Variants in PATJ observed in about 807,000 individuals in gnomAD.
The protein encoded by PATJ is inaD-like protein.
Under a neutral mutation model 224.9 loss-of-function variants are expected in PATJ, and 190 were observed. That is an observed-to-expected ratio of 0.84 (90% CI 0.75 to 0.95). The LOEUF is 0.95. Among genes scored for constraint, PATJ ranks in the 40% least tolerant of loss-of-function variants. The pLI is 0.00. For synonymous variants in PATJ, 769 were observed against 820.3 expected, an observed-to-expected ratio of 0.94 and a Z score of 1.07; for missense variants, 2,121 against 2,270.3, an observed-to-expected ratio of 0.93 and a Z score of 1.34.
At chr1:61,877,771 T>A (rs541686423) in intron 21 of PATJ, among the ~76,000 whole-genome samples, 1 of 152,328 alleles carries the variant, frequency 6.6e-6, no homozygotes, top group East Asian at 1.9e-4. Flanking sequence ...GGTAGTTCTT[T>A]ATGGCAGTGT....
At chr1:61,857,062 G>T (rs1404309506) in intron 18 of PATJ, among the ~76,000 whole-genome samples, 3 of 152,090 alleles carry the variant, frequency 2.0e-5, no homozygotes, top group Non-Finnish European at 2.9e-5. Flanking sequence ...CTAGCATCAA[G>T]AACCCCTATA....
chr1:61,815,736 A>G (rs1570674972), intron 14 of PATJ, among the ~76,000 whole-genome samples: 1 of 152,144 alleles, frequency 6.6e-6, no homozygotes, highest in East Asian at 1.9e-4. Flanking sequence ...ATGTTAATAG[A>G]TAAGATTTTC....
rs528658452 is a variant in PATJ at position 62,087,385 on chromosome 1, C to T, written c.4377+2737C>T. ...ATCTTTGTAGGCATAGGATGGGGGGCGGGGCGGGCCGTAGGTAGTTTTGGG... is the reference window on the plus strand; with the variant it reads ...ATCTTTGTAGGCATAGGATGGGGGGTGGGGCGGGCCGTAGGTAGTTTTGGG... On this transcript the variant is annotated intron_variant, in intron 33 of 43. Coordinates refer to ENST00000642238, the MANE Select transcript of PATJ (RefSeq NM_001350145.3). 7.9e-5 allele frequency among the ~76,000 whole-genome samples: 12 copies of T among 151,530 alleles called. No individual in the cohort carries two copies. In the South Asian group the frequency reaches 2.1e-3, roughly 26 times the overall value.
chr1:62,061,806 C>G (rs887017765), intron 31 of PATJ, among the ~76,000 whole-genome samples: 1 of 151,866 alleles, frequency 6.6e-6, no homozygotes, highest in Non-Finnish European at 1.5e-5. Flanking sequence ...ACTGCAGGCA[C>G]CTGCCACCAT....
intron 20 of PATJ, among the ~76,000 whole-genome samples, chr1:61,867,574 T>A (rs199559681): frequency 8.0e-4 from 3 of 3,772 alleles, no homozygotes; most frequent in African/African-American, 1.5e-3. Flanking sequence ...ATCTGTAAAA[T>A]TTTTTTTTTT....
At chr1:61,823,229 G>A (rs927795549) in intron 15 of PATJ, 150 bp downstream of exon 15, 11 of 695,950 alleles carry the variant, frequency 1.6e-5, no homozygotes, top group Admixed American at 2.7e-5. Context: ...CTTACTGGAT[G>A]ATAAAGGAAG....
At chr1:61,802,212 G>T (rs1652677946) in intron 12 of PATJ, among the ~76,000 whole-genome samples, 1 of 151,988 alleles carries the variant, frequency 6.6e-6, no homozygotes, top group South Asian at 2.1e-4. Context: ...TCCTGCCTCA[G>T]CCTCCCGAGT....
intron 31 of PATJ, among the ~76,000 whole-genome samples, chr1:62,067,199 T>C (rs1412925579): frequency 4.1e-5 from 6 of 147,620 alleles, no homozygotes; most frequent in Non-Finnish European, 1.5e-5. Flanking sequence ...CAATCTTGGC[T>C]CACTGCAACC....
At chr1:62,002,297 T>G (rs1009151824) in intron 28 of PATJ, among the ~76,000 whole-genome samples, 9 of 152,134 alleles carry the variant, frequency 5.9e-5, no homozygotes, top group Non-Finnish European at 1.0e-4. Context: ...TCTTTCATGG[T>G]GGGTAGTGTG....
rs182917010 is a variant in PATJ at position 61,979,425 on chromosome 1, T to C, written c.3671-10743T>C. ...ATCCCAGCACTTTGGGAGGCCAAGG[T>C]GGGCAGATCACGAGGTCAGGAGATT... On this transcript the variant is annotated intron_variant, in intron 27 of 43. Coordinates refer to ENST00000642238, the MANE Select transcript of PATJ (RefSeq NM_001350145.3). 8.2e-3 allele frequency among the ~76,000 whole-genome samples: 1,244 copies of C among 151,938 alleles called. 48 individuals are homozygous for C. Among genetic ancestry groups the C allele is most frequent in the African/African-American group, 0.028 (1,174 of 41,324 alleles).
At chr1:62,033,598 G>T (rs1213227655) in intron 29 of PATJ, among the ~76,000 whole-genome samples, 1 of 152,134 alleles carries the variant, frequency 6.6e-6, no homozygotes, top group African/African-American at 2.4e-5. Flanking sequence ...TGAGGGCAGG[G>T]CTGTTAGTAC....
In PATJ at chr1:62,133,307, C is replaced by T. The variant is rs577297335; in HGVS notation, c.5271+4362C>T. 7.9e-5 allele frequency among the ~76,000 whole-genome samples: 12 copies of T among 152,176 alleles called. No homozygotes were observed. The South Asian group carries it at 1.5e-3, about 18-fold the overall frequency. ...TTAGAAAAAATAGAATATGGCCAGG[C>T]GTGGTGGCTCATACCTGTAATCCCA... is the stretch of plus-strand genomic sequence containing the variant. On this transcript the variant is annotated intron_variant, in intron 41 of 43. Transcript: ENST00000642238.
At chr1:62,045,152 C>T (rs1558087710) in intron 30 of PATJ, among the ~76,000 whole-genome samples, 1 of 151,394 alleles carries the variant, frequency 6.6e-6, no homozygotes, top group African/African-American at 2.4e-5. Flanking sequence ...ACCCAGGAGG[C>T]GGAGGTTGCA....
chr1:61,780,802 A>G (rs1177246065), intron 7 of PATJ, among the ~76,000 whole-genome samples: 1 of 152,238 alleles, frequency 6.6e-6, no homozygotes, highest in Non-Finnish European at 1.5e-5. Context: ...AATTTTCACA[A>G]GAATAAGATG....
chr1:62,009,390 C>T (rs1010400536), intron 28 of PATJ, among the ~76,000 whole-genome samples: 13 of 152,134 alleles, frequency 8.5e-5, no homozygotes. Flanking sequence ...TGTGCATTAG[C>T]ATTATGTCTA....
intron 24 of PATJ, among the ~76,000 whole-genome samples, chr1:61,904,342 C>CTT (rs1295978883): frequency 2.0e-5 from 3 of 151,940 alleles, no homozygotes; most frequent in Non-Finnish European, 2.9e-5. Flanking sequence ...TCCCATGTAC[C>CTT]TTTCACTCGG....
intron 25 of PATJ, among the ~76,000 whole-genome samples, chr1:61,912,385 G>A (rs1672788223): frequency 6.6e-6 from 1 of 151,972 alleles, no homozygotes. Flanking sequence ...CTTGAGGTCT[G>A]GAGTTGGAGA....
chr1:61,893,247 C>G (rs1285616944), intron 22 of PATJ, among the ~76,000 whole-genome samples: 1 of 152,018 alleles, frequency 6.6e-6, no homozygotes, highest in Non-Finnish European at 1.5e-5. Context: ...ATACTAAAAC[C>G]TAGAAGAAAG....
chr1:61,830,549 A>T (rs1659123395), intron 16 of PATJ, among the ~76,000 whole-genome samples: 1 of 151,762 alleles, frequency 6.6e-6, no homozygotes, highest in African/African-American at 2.4e-5. Flanking sequence ...TTTTGGAACC[A>T]AAAAAGAGCC....
Sources: allele counts gnomAD v4.1 joint callset (sites outside exome capture counted in the v4.1 genomes callset), GRCh38; gene constraint gnomAD v4.1.1; transcripts MANE v1.5; gene names NCBI Gene and HGNC (gene_info 2026-07-23, HGNC 2026-07-21).